Variants in RANBP17 observed in about 807,000 individuals in gnomAD.
RANBP17 encodes the protein ran-binding protein 17.
Under a neutral mutation model 141.2 loss-of-function variants are expected in RANBP17, and 158 were observed. That is an observed-to-expected ratio of 1.12 (90% CI 0.98 to 1.28). RANBP17 has a LOEUF of 1.28. Ranked by LOEUF, RANBP17 falls within the 50% of genes most tolerant of loss-of-function variation. The probability of loss-of-function intolerance (pLI) is 0.00; values close to 1 mark genes in which losing one functional copy is unlikely to be tolerated. For missense variants in RANBP17, 1,438 were observed against 1,290.7 expected, an observed-to-expected ratio of 1.11 and a Z score of -1.75; for synonymous variants, 430 against 450.0, an observed-to-expected ratio of 0.96 and a Z score of 0.56.
intron 14 of RANBP17, among the ~76,000 whole-genome samples, chr5:171,030,611 T>A (rs1265040370): frequency 6.6e-6 from 1 of 152,056 alleles, no homozygotes; most frequent in African/African-American, 2.4e-5. Context: ...TGTATGAGTA[T>A]GTGAACATAT....
chr5:171,174,751 A>AGTGTGTGTGTGTGT (rs57948503), intron 16 of RANBP17, among the ~76,000 whole-genome samples: 30 of 135,716 alleles, frequency 2.2e-4, no homozygotes, highest in African/African-American at 7.3e-4. Flanking sequence ...AAATATCTAG[A>AGTGTGTGTGTGTGT]GTGTGTGTGT....
intron 24 of RANBP17, among the ~76,000 whole-genome samples, chr5:171,253,958 A>G (rs1358428959): frequency 1.3e-5 from 2 of 152,200 alleles, no homozygotes; most frequent in Non-Finnish European, 2.9e-5. Context: ...ACTATAAAAA[A>G]TATTCCTGGC....
chr5:171,203,792 T>G (rs182514723), intron 19 of RANBP17, among the ~76,000 whole-genome samples: 1 of 152,318 alleles, frequency 6.6e-6, no homozygotes, highest in African/African-American at 2.4e-5. Flanking sequence ...TAATTTAGAC[T>G]TAAATGGTAG....
At chr5:171,267,798 T>A (rs1211022339) in intron 25 of RANBP17, among the ~76,000 whole-genome samples, 1 of 149,456 alleles carries the variant, frequency 6.7e-6, no homozygotes, top group Non-Finnish European at 1.5e-5. Context: ...GAGCTCCATC[T>A]CAAAAAAAAA....
At chr5:170,876,561 T>C (rs1400052697) in intron 1 of RANBP17, among the ~76,000 whole-genome samples, 1 of 152,218 alleles carries the variant, frequency 6.6e-6, no homozygotes, top group Non-Finnish European at 1.5e-5. Context: ...TTTATCTTAA[T>C]CAGCCTATTT....
intron 5 of RANBP17, among the ~76,000 whole-genome samples, chr5:170,903,298 C>CAT (rs1770802083): frequency 6.6e-6 from 1 of 152,230 alleles, no homozygotes; most frequent in Non-Finnish European, 1.5e-5. Context: ...GCAAAACCGC[C>CAT]TACTCAAGCT....
intron 14 of RANBP17, among the ~76,000 whole-genome samples, chr5:170,980,076 G>A (rs961799603): frequency 2.0e-5 from 3 of 152,154 alleles, no homozygotes; most frequent in Non-Finnish European, 4.4e-5. Flanking sequence ...CTCTTACTAT[G>A]TTTTAACAAC....
intron 14 of RANBP17, among the ~76,000 whole-genome samples, chr5:171,136,525 T>C (rs2127799159): frequency 6.6e-6 from 1 of 152,236 alleles, no homozygotes; most frequent in South Asian, 2.1e-4. Context: ...GAGGTCATCT[T>C]TCAGGACTTT....
At chr5:171,204,035 G>A (rs1358856491) in intron 19 of RANBP17, among the ~76,000 whole-genome samples, 1 of 152,050 alleles carries the variant, frequency 6.6e-6, no homozygotes, top group African/African-American at 2.4e-5. Flanking sequence ...GGTGAAAAAA[G>A]GCTATATAAA....
chr5:171,057,703 A>G (rs1049814316), intron 14 of RANBP17, among the ~76,000 whole-genome samples: 2 of 152,138 alleles, frequency 1.3e-5, no homozygotes, highest in African/African-American at 4.8e-5. Flanking sequence ...GGGAGGCCTC[A>G]GGAAACTTAC....
intron 14 of RANBP17, among the ~76,000 whole-genome samples, chr5:171,016,218 T>G (rs1379167334): frequency 2.0e-5 from 3 of 151,482 alleles, no homozygotes; most frequent in Non-Finnish European, 2.9e-5. Flanking sequence ...TCTTGAAGGT[T>G]GTTGTTTCAT....
intron 14 of RANBP17, among the ~76,000 whole-genome samples, chr5:171,009,965 G>T (rs1438891068): frequency 2.0e-5 from 3 of 152,136 alleles, no homozygotes; most frequent in African/African-American, 7.2e-5. Flanking sequence ...AGTTTATGCA[G>T]TATATGGGAA....
intron 14 of RANBP17, among the ~76,000 whole-genome samples, chr5:171,013,745 T>G (rs1268047947): frequency 6.6e-6 from 1 of 152,122 alleles, no homozygotes; most frequent in Non-Finnish European, 1.5e-5. Flanking sequence ...CTATTTTAGT[T>G]TTGTGCCTCT....
intron 14 of RANBP17, among the ~76,000 whole-genome samples, chr5:171,090,786 C>G (rs542582363): frequency 6.6e-6 from 1 of 152,330 alleles, no homozygotes; most frequent in East Asian, 1.9e-4. Context: ...GCTGTTGCTT[C>G]AGAGGGTGGA....
chr5:171,048,947 G>T (rs905576185), intron 14 of RANBP17, among the ~76,000 whole-genome samples: 26 of 152,090 alleles, frequency 1.7e-4, no homozygotes, highest in African/African-American at 6.0e-4. Flanking sequence ...ACATACTTGT[G>T]CATGTGTCTT....
At chr5:170,877,773 T>G (rs941395883) in intron 1 of RANBP17, among the ~76,000 whole-genome samples, 1 of 152,188 alleles carries the variant, frequency 6.6e-6, no homozygotes, top group Non-Finnish European at 1.5e-5. Context: ...CTTCTAGTCT[T>G]TTTAAAATCT....
chr5:171,166,316 C>G (rs911269350), intron 14 of RANBP17, among the ~76,000 whole-genome samples: 50 of 152,086 alleles, frequency 3.3e-4, no homozygotes, highest in African/African-American at 1.2e-3. Flanking sequence ...GATGACCACA[C>G]AGATAGGTTT....
rs1768991608 is a variant in RANBP17 at position 171,298,947 on chromosome 5, G to A, written c.*89G>A. The A allele has an allele frequency of 1.1e-6, 1 of 938,220 alleles. No homozygotes were observed. The highest frequency in any genetic ancestry group is 1.7e-6 in the Non-Finnish European group (1 of 601,488). 58.1% of individuals were successfully genotyped at this position (938,220 alleles called of 1,614,324 possible). ...AGGACAGTGATGTTGGCTAGCCCAG[G>A]GGAATGTATTTTTCAAAACATACAA... On this transcript the variant is annotated 3_prime_UTR_variant, in exon 28 of 28. Transcript: ENST00000523189.
intron 14 of RANBP17, among the ~76,000 whole-genome samples, chr5:171,023,431 A>G (rs1781022516): frequency 6.6e-6 from 1 of 152,180 alleles, no homozygotes; most frequent in South Asian, 2.1e-4. Flanking sequence ...AATTTTTGTC[A>G]CATGTGTGCT....
Sources: gnomAD v4.1 joint callset for allele counts (sites outside exome capture counted in the v4.1 genomes callset) on GRCh38, gnomAD v4.1.1 for gene constraint, MANE v1.5 for transcripts, NCBI Gene and HGNC (gene_info 2026-07-23, HGNC 2026-07-21) for gene names.